NOS1: variants seen among roughly 807,000 people sequenced by gnomAD.
NOS1 encodes NOS type I.
In NOS1, 51 loss-of-function variants were observed where a neutral mutation model predicts 164.5. That is an observed-to-expected ratio of 0.31 (90% CI 0.25 to 0.39). NOS1 has a LOEUF of 0.39. Ranked by LOEUF, NOS1 falls within the 10% of genes least tolerant of loss-of-function variation. The pLI is 1.00. For synonymous variants in NOS1, 719 were observed against 745.8 expected, an observed-to-expected ratio of 0.96 and a Z score of 0.59; for missense variants, 1,362 against 1,885.6, an observed-to-expected ratio of 0.72 and a Z score of 5.14.
chr12:117,259,992 G>T (rs554714790), intron 14 of NOS1, among the ~76,000 whole-genome samples: 11 of 151,920 alleles, frequency 7.2e-5, no homozygotes, highest in African/African-American at 2.7e-4. Context: ...GGTGGTGGGC[G>T]CCTGCAGTCC....
chr12:117,330,265 A>T lies in NOS1; in HGVS notation c.725+80T>A. 1 of 1,500,834 alleles carries T rather than the reference A, an allele frequency of 6.7e-7. No individual in the cohort carries two copies. The highest frequency in any genetic ancestry group is 2.2e-5 in the Admixed American group (1 of 46,060). 93.0% of individuals were successfully genotyped at this position (1,500,834 alleles called of 1,614,324 possible). On this transcript the variant is annotated intron_variant, in intron 2 of 28. Coordinates refer to ENST00000317775, the MANE Select transcript of NOS1 (RefSeq NM_000620.5). This position sits in a 1 kb window ranked among gnomAD's most constrained non-coding sequence, Gnocchi z 4.6. ...GGTTGGCTTCTGGGCTATGAGGCTGAGTCTCAGTAGACGCACATGCACACA... is the reference window on the plus strand; with the variant it reads ...GGTTGGCTTCTGGGCTATGAGGCTGTGTCTCAGTAGACGCACATGCACACA...
rs63278660 is a variant in NOS1, at chr12:117,210,965, A to AT, written c.*4343dup. On this transcript the variant is annotated 3_prime_UTR_variant, in exon 29 of 29. Coordinates refer to ENST00000317775, the MANE Select transcript of NOS1 (RefSeq NM_000620.5). Reference sequence around the variant, plus strand: ...GTTTTATTTTATTTTATTTTATTTTATTTTTTTTGAGATAAGAGTCTTGCT... The same window carrying AT: ...GTTTTATTTTATTTTATTTTATTTTATTTTTTTTTGAGATAAGAGTCTTGCT... 36,998 of 952,644 alleles carry AT rather than the reference A, an allele frequency of 0.039. 868 individuals carry two copies. Among genetic ancestry groups the AT allele is most frequent in the African/African-American group, 0.11 (5,913 of 56,138 alleles). 59.0% of individuals were successfully genotyped at this position (952,644 alleles called of 1,614,324 possible).
At position 117,311,610 on chromosome 12, in the gene NOS1, G is replaced by A. The variant is rs757965316; in HGVS notation, c.726-18C>T. 6.2e-7 allele frequency: 1 copy of A among 1,605,384 alleles called. No individual in the cohort carries two copies. The highest frequency in any genetic ancestry group is 2.2e-5 in the East Asian group (1 of 44,678). On this transcript the variant is annotated intron_variant, in intron 2 of 28. Transcript: ENST00000317775. ...CCAAATCTCTGAAAGGCAAGGTGGG[G>A]CAGGTGAGGAAGGGGACATCAGGAG...
chr12:117,257,607 C>CTTTTTTTTT (rs151304592), intron 16 of NOS1, among the ~76,000 whole-genome samples: 1 of 99,122 alleles, frequency 1.0e-5, no homozygotes, highest in Non-Finnish European at 1.9e-5. Context: ...TTGATTTTAG[C>CTTTTTTTTT]TTTTTTTTTT....
chr12:117,344,497 C>T (rs930659833), intron 1 of NOS1, among the ~76,000 whole-genome samples: 23 of 152,136 alleles, frequency 1.5e-4, no homozygotes, highest in Admixed American at 1.4e-3. Flanking sequence ...TTATAATTCC[C>T]ATTTTATAGA....
chr12:117,240,695 A>G (rs956720177), intron 20 of NOS1, among the ~76,000 whole-genome samples: 7 of 152,184 alleles, frequency 4.6e-5, no homozygotes, highest in African/African-American at 1.7e-4. Flanking sequence ...AGTGCTTGGA[A>G]CACAGAAAGC....
At chr12:117,283,056 A>ATATATATATATATTT (rs1360367568) in intron 7 of NOS1, among the ~76,000 whole-genome samples, 6 of 92,954 alleles carry the variant, frequency 6.5e-5, no homozygotes, top group African/African-American at 2.2e-4. Flanking sequence ...ATATATATAT[A>ATATATATATATATTT]TTTTTTTTTT....
chr12:117,330,896 G>C lies in NOS1; in HGVS notation c.174C>G (p.Ile58Met). The change falls in exon 2 of 29, where the codon ATC (isoleucine) becomes ATG (methionine). Residue 58 changes from isoleucine to methionine, a missense_variant. Transcript: ENST00000317775. This position sits in a 1 kb window ranked among gnomAD's most constrained non-coding sequence, Gnocchi z 4.6. ...RGGAAEQSGL[I>M]QAGDIILAVN... ...CCGCAAGAATGATGTCTCCGGCCTG[G>C]ATGAGGCCACTCTGCTCTGCGGCGC... 1 of 1,614,156 alleles carries C rather than the reference G, an allele frequency of 6.2e-7. No individual in the cohort carries two copies. Among genetic ancestry groups the C allele is most frequent in the Non-Finnish European group, 8.5e-7 (1 of 1,180,036 alleles).
intron 21 of NOS1, among the ~76,000 whole-genome samples, chr12:117,233,529 G>C (rs1451472762): frequency 1.3e-5 from 2 of 151,566 alleles, no homozygotes; most frequent in East Asian, 4.0e-4. Context: ...TGTCTCAGCC[G>C]GGTGCGGTGG....
intron 3 of NOS1, among the ~76,000 whole-genome samples, chr12:117,299,938 T>C (rs1363492528): frequency 6.6e-6 from 1 of 152,188 alleles, no homozygotes. Flanking sequence ...ACACTAGGAA[T>C]TAATCTTAAC....
In NOS1 at chr12:117,326,385, CAAAAA is replaced by C. The variant is rs746345561; in HGVS notation, c.725+3955_725+3959del. Among the ~76,000 whole-genome samples the C allele has an allele frequency of 8.9e-4, 23 of 25,908 alleles. No homozygotes were observed. In the South Asian group the frequency reaches 0.028, roughly 32 times the overall value. The allele number at this position is 25,908 out of a possible 152,430, so 17.0% of individuals were successfully genotyped here. The stretch of plus-strand genomic sequence containing the variant: ...TGGGTGACAAAGCGAGACTCTGTCT[CAAAAA>C]AAAAAAAAAAACAAAAAAACAAAAA... On this transcript the variant is annotated intron_variant, in intron 2 of 28. Coordinates refer to ENST00000317775, the MANE Select transcript of NOS1 (RefSeq NM_000620.5).
intron 17 of NOS1, 42 bp from the exon 18 acceptor site, chr12:117,247,564 G>A (rs768749580): frequency 2.0e-5 from 31 of 1,551,710 alleles, no homozygotes; most frequent in Non-Finnish European, 2.6e-5. Flanking sequence ...AGGGACTGTG[G>A]GGAATGTGGG....
rs371593261 is a variant in NOS1 at position 117,340,748 on chromosome 12, G to A, written c.-420-9259C>T. Among the ~76,000 whole-genome samples the A allele has an allele frequency of 1.3e-4, 20 of 150,930 alleles. 1 individual carries two copies. Among genetic ancestry groups the A allele is most frequent in the African/African-American group, 4.6e-4 (19 of 41,086 alleles). On this transcript the variant is annotated intron_variant, in intron 1 of 28. Coordinates refer to ENST00000317775, the MANE Select transcript of NOS1 (RefSeq NM_000620.5). The stretch of plus-strand genomic sequence containing the variant: ...TATTATTTTTATTCTTTTTTGAGAC[G>A]TAATCTTGCTCTGTTGCCCAGGCTG...
intron 2 of NOS1, among the ~76,000 whole-genome samples, chr12:117,327,119 T>C (rs1226959795): frequency 2.0e-5 from 3 of 152,126 alleles, no homozygotes; most frequent in African/African-American, 7.2e-5. Flanking sequence ...CAGTTGAGAA[T>C]TGCAATCAAG....
Position 117,331,150 on chromosome 12 carries a change from C to T in NOS1, c.-81G>A. The stretch of plus-strand genomic sequence containing the variant: ...GATGATTTCACCAGGAGGATCCAGG[C>T]TTCAGGCTACACGGAGAGCAGGAGC... On this transcript the variant is annotated 5_prime_UTR_variant, in exon 2 of 29. Coordinates refer to ENST00000317775, the MANE Select transcript of NOS1 (RefSeq NM_000620.5). 1 of 1,519,038 alleles carries T rather than the reference C, an allele frequency of 6.6e-7. No individual in the cohort carries two copies. Among genetic ancestry groups the T allele is most frequent in the Non-Finnish European group, 8.9e-7 (1 of 1,125,496 alleles). 94.1% of individuals were successfully genotyped at this position (1,519,038 alleles called of 1,614,324 possible). A position where few individuals can be genotyped will look rare whatever the true frequency, so the allele number is the denominator to read the frequency against.
rs936907995 is a variant in NOS1 at position 117,213,876 on chromosome 12, C to A, written c.*1433G>T. 2 of 985,270 alleles carry A rather than the reference C, an allele frequency of 2.0e-6. No individual in the cohort carries two copies. Among genetic ancestry groups the A allele is most frequent in the Non-Finnish European group, 2.4e-6 (2 of 829,932 alleles). 61.0% of individuals were successfully genotyped at this position (985,270 alleles called of 1,614,324 possible). A position where few individuals can be genotyped will look rare whatever the true frequency, so the allele number is the denominator to read the frequency against. ...AAGGGATCCCTTCCCACCATTTACT[C>A]TGAGAGAGTAAATTCAACAGGTTGC... On this transcript the variant is annotated 3_prime_UTR_variant, in exon 29 of 29. Transcript: ENST00000317775.
chr12:117,229,640 G>A (rs545719335), intron 22 of NOS1, among the ~76,000 whole-genome samples: 12 of 150,472 alleles, frequency 8.0e-5, no homozygotes, highest in Non-Finnish European at 1.0e-4. Context: ...CCAGGCTGGA[G>A]TGCAGTGGCA....
chr12:117,243,443 G>A lies in NOS1; in HGVS notation c.2824-8C>T. ...GAAGACATCACAGGCTGCCTGTGGTGTACACAAGGCTTTCAGTGACCTCTT... is the reference window on the plus strand; with the variant it reads ...GAAGACATCACAGGCTGCCTGTGGTATACACAAGGCTTTCAGTGACCTCTT... On this transcript the variant is annotated splice_region_variant and splice_polypyrimidine_tract_variant and intron_variant, in intron 18 of 28. Coordinates refer to ENST00000317775, the MANE Select transcript of NOS1 (RefSeq NM_000620.5). This position sits in a 1 kb window ranked among gnomAD's most constrained non-coding sequence, Gnocchi z 4.3. 1 of 1,613,712 alleles carries A rather than the reference G, an allele frequency of 6.2e-7. No individual in the cohort carries two copies. The highest frequency in any genetic ancestry group is 8.5e-7 in the Non-Finnish European group (1 of 1,179,842).
chr12:117,309,501 C>G (rs7310618), intron 3 of NOS1: 53,539 of 496,894 alleles, frequency 0.11, 3,327 homozygotes, highest in East Asian at 0.25. Flanking sequence ...AAAATGAAGC[C>G]GGTCATCACT....
Sources: gnomAD v4.1 joint callset for allele counts (sites outside exome capture counted in the v4.1 genomes callset) on GRCh38, gnomAD v4.1.1 for gene constraint, Gnocchi (gnomAD v3.1) non-coding constraint, MANE v1.5 for transcripts, NCBI Gene and HGNC (gene_info 2026-07-23, HGNC 2026-07-21) for gene names.